The following KIAA1328 variants were observed in gnomAD, a reference collection of about 807,000 sequenced individuals.
The protein encoded by KIAA1328 is protein hinderin.
A neutral mutation model predicts 68.1 loss-of-function variants in KIAA1328; 52 were observed. The ratio of observed to expected loss-of-function variants is 0.76; its 90% CI spans 0.61 to 0.96. The LOEUF (loss-of-function observed/expected upper bound fraction) is 0.96. KIAA1328 is among the 40% of genes least tolerant of loss of function. The pLI is 0.00. For synonymous variants in KIAA1328, 232 were observed against 239.4 expected, an observed-to-expected ratio of 0.97 and a Z score of 0.28; for missense variants, 641 against 677.6, an observed-to-expected ratio of 0.95 and a Z score of 0.60.
intron 3 of KIAA1328, among the ~76,000 whole-genome samples, chr18:36,837,594 G>T (rs991399372): frequency 6.6e-6 from 1 of 151,962 alleles, no homozygotes; most frequent in Non-Finnish European, 1.5e-5. Flanking sequence ...TTTTGATGAA[G>T]TTCAGTTTAT....
intron 6 of KIAA1328, among the ~76,000 whole-genome samples, chr18:37,004,011 A>C (rs915852946): frequency 1.3e-5 from 2 of 152,122 alleles, no homozygotes; most frequent in African/African-American, 4.8e-5. Context: ...GTTTGAATTC[A>C]GGTAATGTGA....
chr18:37,141,989 G>A (rs965946229), intron 7 of KIAA1328, among the ~76,000 whole-genome samples: 5 of 152,120 alleles, frequency 3.3e-5, no homozygotes, highest in African/African-American at 1.2e-4. Flanking sequence ...TTTTCTCCCA[G>A]TATGTGACTT....
intron 4 of KIAA1328, among the ~76,000 whole-genome samples, chr18:36,845,403 A>T (rs2150814440): frequency 6.6e-6 from 1 of 151,820 alleles, no homozygotes; most frequent in East Asian, 1.9e-4. Context: ...GTTATTAAAT[A>T]TGTTTTGATG....
At chr18:37,025,287 C>A (rs1051584236) in intron 6 of KIAA1328, among the ~76,000 whole-genome samples, 2 of 152,044 alleles carry the variant, frequency 1.3e-5, no homozygotes, top group African/African-American at 2.4e-5. Flanking sequence ...GACTTTAACC[C>A]CCCACTGTCA....
rs2060600668 is a variant in KIAA1328 at position 37,223,522 on chromosome 18, T to G, written c.*1295T>G. The G allele has an allele frequency of 1.0e-6, 1 of 985,250 alleles. No homozygotes were observed. The highest frequency in any genetic ancestry group is 1.2e-6 in the Non-Finnish European group (1 of 829,942). The allele number at this position is 985,250 out of a possible 1,614,324, so 61.0% of individuals were successfully genotyped here. A position where few individuals can be genotyped will look rare whatever the true frequency, so the allele number is the denominator to read the frequency against. On this transcript the variant is annotated 3_prime_UTR_variant, in exon 10 of 10. Coordinates refer to ENST00000280020, the MANE Select transcript of KIAA1328 (RefSeq NM_020776.3). ...AGCAAGGGGAGGGTGTGTTCCCAGA[T>G]GTGTATTACTTGGGAATTTTATTTG... is the stretch of plus-strand genomic sequence containing the variant.
chr18:37,189,352 T>A (rs988919005), intron 9 of KIAA1328, among the ~76,000 whole-genome samples: 1 of 152,184 alleles, frequency 6.6e-6, no homozygotes, highest in East Asian at 1.9e-4. Context: ...GGAAAAAAAG[T>A]CAGACCTTAT....
chr18:36,961,399 A>G (rs752396056), intron 6 of KIAA1328, among the ~76,000 whole-genome samples: 1 of 152,204 alleles, frequency 6.6e-6, no homozygotes, highest in Non-Finnish European at 1.5e-5. Flanking sequence ...TCTTCAGGAT[A>G]TTATCCAGGA....
intron 7 of KIAA1328, among the ~76,000 whole-genome samples, chr18:37,129,071 T>G (rs1364397295): frequency 1.3e-5 from 2 of 152,192 alleles, no homozygotes; most frequent in Non-Finnish European, 2.9e-5. Context: ...ATTTTGTACC[T>G]TGATTATGAT....
At chr18:36,927,047 G>T (rs2050145326) in intron 5 of KIAA1328, among the ~76,000 whole-genome samples, 1 of 152,150 alleles carries the variant, frequency 6.6e-6, no homozygotes. Flanking sequence ...CAAAGGGATT[G>T]TTGCTAAGCC....
At chr18:36,910,608 CT>C (rs1354252412) in intron 5 of KIAA1328, among the ~76,000 whole-genome samples, 1 of 151,964 alleles carries the variant, frequency 6.6e-6, no homozygotes, top group Admixed American at 6.6e-5. Flanking sequence ...AATGTGGGCT[CT>C]TTTTTTGGTT....
rs562314317 is a variant in KIAA1328, at chr18:36,901,602, C to T, written c.448+15930C>T. Reference sequence around the variant, plus strand: ...AGTTTTTGGTCTTTGTGGACCTTTTCCTTTCTTATGTCTGACAGCTCAGGG... The same window carrying T: ...AGTTTTTGGTCTTTGTGGACCTTTTTCTTTCTTATGTCTGACAGCTCAGGG... On this transcript the variant is annotated intron_variant, in intron 5 of 9. Coordinates refer to ENST00000280020, the MANE Select transcript of KIAA1328 (RefSeq NM_020776.3). Among the ~76,000 whole-genome samples the T allele has an allele frequency of 3.9e-5, 6 of 152,074 alleles. 1 individual carries two copies. The South Asian group carries it at 1.2e-3, about 32-fold the overall frequency.
At chr18:37,219,755 A>G (rs1188230053) in intron 9 of KIAA1328, among the ~76,000 whole-genome samples, 1 of 152,172 alleles carries the variant, frequency 6.6e-6, no homozygotes, top group Non-Finnish European at 1.5e-5. Context: ...TGGCTAGGAA[A>G]GGGAAGTCCC....
chr18:36,904,277 G>A (rs1262673963), intron 5 of KIAA1328, among the ~76,000 whole-genome samples: 7 of 152,018 alleles, frequency 4.6e-5, no homozygotes, highest in Admixed American at 4.6e-4. Context: ...GCTTCTATAT[G>A]CATATTGATT....
chr18:37,214,532 A>G (rs1332313949), intron 9 of KIAA1328, among the ~76,000 whole-genome samples: 2 of 152,176 alleles, frequency 1.3e-5, no homozygotes, highest in Non-Finnish European at 2.9e-5. Flanking sequence ...TACCAGTACC[A>G]TGCTGTTTTG....
chr18:37,032,470 G>C (rs1053893985), intron 6 of KIAA1328, among the ~76,000 whole-genome samples: 1 of 151,656 alleles, frequency 6.6e-6, no homozygotes. Flanking sequence ...CCTGGAGATA[G>C]ATGTTTGTTT....
chr18:36,945,253 T>C (rs1251062687), intron 5 of KIAA1328, among the ~76,000 whole-genome samples: 2 of 152,212 alleles, frequency 1.3e-5, no homozygotes, highest in Non-Finnish European at 2.9e-5. Flanking sequence ...AAAATCTGGT[T>C]CTTTACCAGT....
intron 4 of KIAA1328, among the ~76,000 whole-genome samples, chr18:36,846,364 T>C (rs185436711): frequency 1.3e-5 from 2 of 151,604 alleles, no homozygotes; most frequent in South Asian, 2.1e-4. Flanking sequence ...AGACATAACC[T>C]TTTTTCTAGA....
chr18:36,895,677 A>G (rs1417294291), intron 5 of KIAA1328: 1 of 448,392 alleles, frequency 2.2e-6, no homozygotes, highest in East Asian at 7.0e-5. Context: ...GTTACTTAAG[A>G]ATTTGCGATG....
At chr18:37,086,186 A>G (rs528614992) in intron 7 of KIAA1328, among the ~76,000 whole-genome samples, 1 of 152,310 alleles carries the variant, frequency 6.6e-6, no homozygotes, top group East Asian at 1.9e-4. Context: ...TGGCTATAAT[A>G]ACATGTCATA....
Sources: gnomAD v4.1 joint callset for allele counts (sites outside exome capture counted in the v4.1 genomes callset) on GRCh38, gnomAD v4.1.1 for gene constraint, MANE v1.5 for transcripts, NCBI Gene and HGNC (gene_info 2026-07-23, HGNC 2026-07-21) for gene names.